The following UBR4 variants were observed in gnomAD, a reference collection of about 807,000 sequenced individuals.
UBR4 encodes the protein ubiquitin protein ligase E3 component n-recognin 4, also known as E3 ubiquitin-protein ligase UBR4.
A neutral mutation model predicts 575.6 loss-of-function variants in UBR4; 124 were observed. The observed-to-expected ratio is 0.22, with a 90% CI of 0.19 to 0.25. The LOEUF (loss-of-function observed/expected upper bound fraction) is 0.25, where lower values mean the gene tolerates loss of function less well. UBR4 is among the 10% of genes least tolerant of loss of function. UBR4 has a pLI of 1.00. For missense variants in UBR4, 4,818 were observed against 6,478.8 expected, an observed-to-expected ratio of 0.74 and a Z score of 8.80; for synonymous variants, 2,455 against 2,473.7, an observed-to-expected ratio of 0.99 and a Z score of 0.22.
At position 19,093,218 on chromosome 1, in the gene UBR4, G is replaced by A. The variant is rs2077699521; in HGVS notation, c.14111+95C>T. 6.7e-7 allele frequency: 1 copy of A among 1,483,674 alleles called. No homozygotes were observed. 91.9% of individuals were successfully genotyped at this position (1,483,674 alleles called of 1,614,324 possible). ...TGGGAGGCCCCAAGGAGGGCAAGGG[G>A]CACACGTGAAGCTTTATGCCAAGAT... On this transcript the variant is annotated intron_variant, in intron 96 of 105. Transcript: ENST00000375254. This position sits in a 1 kb window ranked among gnomAD's most constrained non-coding sequence, Gnocchi z 4.8.
Position 19,141,773 on chromosome 1 carries a change from G to A in UBR4, c.8184C>T (p.Asp2728=). 6.2e-7 allele frequency: 1 copy of A among 1,613,926 alleles called. No homozygotes were observed. Among genetic ancestry groups the A allele is most frequent in the Non-Finnish European group, 8.5e-7 (1 of 1,179,922 alleles). Residue 2728 remains aspartate, a synonymous_variant, in exon 56 of 106, where the codon GAC becomes GAT. Coordinates refer to ENST00000375254, the MANE Select transcript of UBR4 (RefSeq NM_020765.3). ...CATCATCATCGTCATCATCATCCTT[G>A]TCTCCTGAGTCAAAGAAACCCCAGT... ...SSPRSNTPMG[D]KDDDDDDDAD...
rs371977971 is a variant in UBR4, at chr1:19,192,440, C to T, written c.1203+41G>A. Reference sequence around the variant, plus strand: ...AGAGATATTTACATCTCAGAGAGGACAAGATAGGAAGTATGCAGCAGAGAC... The same window carrying T: ...AGAGATATTTACATCTCAGAGAGGATAAGATAGGAAGTATGCAGCAGAGAC... On this transcript the variant is annotated intron_variant, in intron 10 of 105. Transcript: ENST00000375254. 5 of 1,613,992 alleles carry T rather than the reference C, an allele frequency of 3.1e-6. No homozygotes were observed. The African/African-American group carries it at 6.7e-5, about 22-fold the overall frequency.
chr1:19,140,746 G>A, intron 58 of UBR4, 42 bp downstream of exon 58: 1 of 1,581,504 alleles, frequency 6.3e-7, no homozygotes. Flanking sequence ...AGGCCTGAGG[G>A]TCCTGGGGCC....
At chr1:19,176,028 C>A (rs113733436) in intron 20 of UBR4, among the ~76,000 whole-genome samples, 1 of 152,148 alleles carries the variant, frequency 6.6e-6, no homozygotes, top group Non-Finnish European at 1.5e-5. Context: ...TTCAAGCGAT[C>A]TTCCCACTTT....
rs147313932 is a variant in UBR4, at chr1:19,192,361, T to C, written c.1221A>G (p.Gln407=). 326 of 1,614,050 alleles carry C rather than the reference T, an allele frequency of 2.0e-4. 2 individuals carry two copies. The African/African-American group carries it at 2.5e-3, about 13-fold the overall frequency. The change falls in exon 11 of 106, where the codon CAA becomes CAG. Residue 407 remains glutamine, a synonymous_variant. Transcript: ENST00000375254. ...RAGGEHYQNF[Q]LLGAWCLLNS... The stretch of plus-strand genomic sequence containing the variant: ...TTAACAAGCACCAAGCACCCAGCAA[T>C]TGGAAATTCTGATAGTGCTGTTGTG...
In UBR4 at chr1:19,174,982, T is replaced by G. The variant is rs369533177; in HGVS notation, c.2825A>C (p.Glu942Ala). 1 of 1,614,024 alleles carries G rather than the reference T, an allele frequency of 6.2e-7. No homozygotes were observed. The highest frequency in any genetic ancestry group is 1.3e-5 in the African/African-American group (1 of 75,034). The stretch of plus-strand genomic sequence containing the variant: ...AGAATCAAGTCGGTTCAAATCATCC[T>G]CTGAGGCTTCTGGGGACAGGACACA... ...FYCVLSPEAS[E>A]DDLNRLDSVA... The change falls in exon 21 of 106, where the codon GAG becomes GCG. Residue 942 changes from glutamate to alanine, a missense_variant. Glu to Ala is a moderately radical substitution (Grantham distance 107). Coordinates refer to ENST00000375254, the MANE Select transcript of UBR4 (RefSeq NM_020765.3).
Position 19,192,193 on chromosome 1 carries a change from T to G in UBR4, c.1389A>C (p.Gly463=). 6.2e-7 allele frequency: 1 copy of G among 1,613,694 alleles called. No homozygotes were observed. Among genetic ancestry groups the G allele is most frequent in the Non-Finnish European group, 8.5e-7 (1 of 1,179,888 alleles). The change falls in exon 11 of 106, where the codon GGA becomes GGC. Residue 463 remains glycine (G), a synonymous_variant. Coordinates refer to ENST00000375254, the MANE Select transcript of UBR4 (RefSeq NM_020765.3). ...ATAATCAAGTAGACACATACCCTTT[T>G]CCAGGCCCCAGTTTAGGGGAGCCCA... ...EGVGSPKLGP[G]KGHQGFGVLS...
intron 68 of UBR4, among the ~76,000 whole-genome samples, 157 bp downstream of exon 68, chr1:19,121,032 T>C (rs899543024): frequency 6.6e-6 from 1 of 152,214 alleles, no homozygotes; most frequent in African/African-American, 2.4e-5. Context: ...TTCAGTATAA[T>C]TGAAAATGAG....
chr1:19,186,693 T>G, intron 13 of UBR4, 36 bp from the exon 14 acceptor site: 1 of 1,596,946 alleles, frequency 6.3e-7, no homozygotes, highest in Non-Finnish European at 8.6e-7. Context: ...GGAGCCATCC[T>G]ATTTAATCTC....
intron 11 of UBR4, among the ~76,000 whole-genome samples, chr1:19,190,809 T>C (rs910341169): frequency 1.3e-5 from 2 of 152,202 alleles, no homozygotes; most frequent in East Asian, 1.9e-4. Flanking sequence ...TCTGGAATGA[T>C]GCATTCGCTG....
At position 19,146,806 on chromosome 1, in the gene UBR4, GC is replaced by G; in HGVS notation, c.7804+19del. 1 of 1,606,386 alleles carries G rather than the reference GC, an allele frequency of 6.2e-7. No homozygotes were observed. The highest frequency in any genetic ancestry group is 8.5e-7 in the Non-Finnish European group (1 of 1,175,528). ...ATATGAAGCAGATCTCAGGACCACG[GC>G]CACAGAGGCCAAGTTCACCTGTTTC... On this transcript the variant is annotated intron_variant, in intron 52 of 105. Coordinates refer to ENST00000375254, the MANE Select transcript of UBR4 (RefSeq NM_020765.3).
intron 22 of UBR4, among the ~76,000 whole-genome samples, 163 bp from the exon 23 acceptor site, chr1:19,173,784 G>A (rs537273428): frequency 3.9e-5 from 6 of 152,186 alleles, no homozygotes; most frequent in Non-Finnish European, 8.8e-5. Context: ...TCTTTCTAGA[G>A]AGTGCACCTA....
At chr1:19,141,968 T>C (rs2083992459) in intron 55 of UBR4, among the ~76,000 whole-genome samples, 191 bp from the exon 56 acceptor site, 1 of 152,214 alleles carries the variant, frequency 6.6e-6, no homozygotes, top group Non-Finnish European at 1.5e-5. Context: ...TCTGGGAAGA[T>C]GGAGTTGGCT....
intron 34 of UBR4, among the ~76,000 whole-genome samples, chr1:19,163,265 C>T (rs2087701494): frequency 6.6e-6 from 1 of 152,200 alleles, no homozygotes; most frequent in Admixed American, 6.5e-5. Flanking sequence ...TCCTAGCCAC[C>T]TATGCCAGTT....
Position 19,161,094 on chromosome 1 carries a change from C to T in UBR4, c.5229G>A (p.Ser1743=), listed in dbSNP as rs144209595. ...AAATCCTGGGTTCACTCTGAAATGC[C>T]GACTCCTTCATGGTAGAGCTCATGC... The part of the protein sequence containing the change: ...SSGMSSTMKE[S]AFQSEPRISE... Residue 1743 remains serine (S), a synonymous_variant, in exon 38 of 106, where the codon TCG becomes TCA. Coordinates refer to ENST00000375254, the MANE Select transcript of UBR4 (RefSeq NM_020765.3). 5.2e-5 allele frequency: 84 copies of T among 1,614,064 alleles called. No individual in the cohort carries two copies. Among genetic ancestry groups the T allele is most frequent in the South Asian group, 5.1e-4 (46 of 91,064 alleles).
At chr1:19,202,905 T>C (rs2092813576) in intron 1 of UBR4, among the ~76,000 whole-genome samples, 1 of 151,404 alleles carries the variant, frequency 6.6e-6, no homozygotes, top group Admixed American at 6.6e-5. Flanking sequence ...GCCAAGATGG[T>C]GAAACCCTGT....
intron 17 of UBR4, among the ~76,000 whole-genome samples, chr1:19,182,545 T>C (rs1305240924): frequency 6.6e-6 from 1 of 152,154 alleles, no homozygotes; most frequent in Admixed American, 6.5e-5. Flanking sequence ...AGAATTGACA[T>C]ACTGTTTTCC....
In UBR4 at chr1:19,148,540, T is replaced by C. The variant is rs114620962; in HGVS notation, c.7494+23A>G. 1,276 of 1,614,194 alleles carry C rather than the reference T, an allele frequency of 7.9e-4. 5 individuals carry two copies. In the African/African-American group the frequency reaches 0.015, roughly 19 times the overall value. On this transcript the variant is annotated intron_variant, in intron 50 of 105. Coordinates refer to ENST00000375254, the MANE Select transcript of UBR4 (RefSeq NM_020765.3). The stretch of plus-strand genomic sequence containing the variant: ...TTCCTGCCTCTTCAGAAAGCTTCCA[T>C]GTGCTTTGAAAAAGTGACTTGCCTT...
In UBR4 at chr1:19,153,365, G is replaced by T; in HGVS notation, c.6768C>A (p.Ser2256=). ...VENTSYWLQP[S]LQPSSVISIM... is the part of the protein sequence containing the mutation. ...TGCTGATGACACTGCTGGGCTGCAGGGATGGCTGCAGCCAGTAGGAGGTGT... is the reference window on the plus strand; with the variant it reads ...TGCTGATGACACTGCTGGGCTGCAGTGATGGCTGCAGCCAGTAGGAGGTGT... The change falls in exon 46 of 106, where the codon TCC becomes TCA. Residue 2256 remains serine, a synonymous_variant. Coordinates refer to ENST00000375254, the MANE Select transcript of UBR4 (RefSeq NM_020765.3). This position sits in a 1 kb window ranked among gnomAD's most constrained non-coding sequence, Gnocchi z 4.1. The T allele has an allele frequency of 6.2e-7, 1 of 1,614,166 alleles. No homozygotes were observed. Among genetic ancestry groups the T allele is most frequent in the East Asian group, 2.2e-5 (1 of 44,878 alleles).
Sources: allele counts gnomAD v4.1 joint callset (sites outside exome capture counted in the v4.1 genomes callset), GRCh38; gene constraint gnomAD v4.1.1; non-coding constraint Gnocchi (gnomAD v3.1); transcripts MANE v1.5; gene names NCBI Gene and HGNC (gene_info 2026-07-23, HGNC 2026-07-21).